Variants in DENND1A observed in about 807,000 individuals in gnomAD.
The protein encoded by DENND1A is DENN domain containing 1A.
In DENND1A, 51 loss-of-function variants were observed where a neutral mutation model predicts 113.7. The observed-to-expected ratio is 0.45, with a 90% confidence interval of 0.36 to 0.57. DENND1A has a LOEUF of 0.57. DENND1A is among the 20% of genes least tolerant of loss of function. The pLI is 0.00. For missense variants in DENND1A, 1,258 were observed against 1,395.9 expected, an observed-to-expected ratio of 0.90 and a Z score of 1.57; for synonymous variants, 565 against 570.8, an observed-to-expected ratio of 0.99 and a Z score of 0.14.
At chr9:123,887,885 A>G (rs1300413358) in intron 1 of DENND1A, among the ~76,000 whole-genome samples, 1 of 152,172 alleles carries the variant, frequency 6.6e-6, no homozygotes, top group African/African-American at 2.4e-5. Flanking sequence ...ACTTATACAA[A>G]GTTGGATTTG....
At chr9:123,696,421 A>C (rs899454638) in intron 5 of DENND1A, among the ~76,000 whole-genome samples, 1 of 152,218 alleles carries the variant, frequency 6.6e-6, no homozygotes, top group African/African-American at 2.4e-5. Context: ...TTATCGGAAG[A>C]GTTTTGTTAG....
At chr9:123,614,257 C>G (rs1393833043) in intron 10 of DENND1A, among the ~76,000 whole-genome samples, 1 of 152,204 alleles carries the variant, frequency 6.6e-6, no homozygotes. Context: ...TGAGGTCACA[C>G]AGCACATACT....
chr9:123,389,286 G>T (rs2042722990), intron 21 of DENND1A, among the ~76,000 whole-genome samples: 1 of 152,266 alleles, frequency 6.6e-6, no homozygotes, highest in African/African-American at 2.4e-5. Context: ...TCGAACTGCA[G>T]TGGAGGTTGA....
intron 5 of DENND1A, among the ~76,000 whole-genome samples, chr9:123,693,207 C>T (rs1394623122): frequency 6.6e-6 from 1 of 152,196 alleles, no homozygotes; most frequent in East Asian, 1.9e-4. Context: ...TTTGCTTGTG[C>T]ACCATCCAAC....
chr9:123,923,853 C>A (rs1564515408), intron 1 of DENND1A, among the ~76,000 whole-genome samples: 1 of 152,148 alleles, frequency 6.6e-6, no homozygotes, highest in South Asian at 2.1e-4. Context: ...AGTGGTACAG[C>A]TGCTTTAGGA....
At chr9:123,395,679 G>T (rs2043089953) in intron 21 of DENND1A, among the ~76,000 whole-genome samples, 1 of 152,162 alleles carries the variant, frequency 6.6e-6, no homozygotes. Flanking sequence ...GCATCTTGGA[G>T]ACTTGCTCCT....
At chr9:123,861,155 AT>A (rs1368529541) in intron 2 of DENND1A, among the ~76,000 whole-genome samples, 3 of 152,176 alleles carry the variant, frequency 2.0e-5, no homozygotes, top group Non-Finnish European at 1.5e-5. Context: ...CCCTTCCAGG[AT>A]AAAAATCCCA....
chr9:123,475,447 C>T lies in DENND1A; in HGVS notation c.994-17550G>A, dbSNP rs548994686. Among the ~76,000 whole-genome samples the T allele has an allele frequency of 8.7e-4, 132 of 152,238 alleles. 1 individual carries two copies. Among genetic ancestry groups the T allele is most frequent in the Non-Finnish European group, 1.7e-3 (113 of 68,032 alleles). ...CACTTCAGGAAAAATCATACCTTTT[C>T]GGCAGGTCTAGCCTGGGGTAGATGC... On this transcript the variant is annotated intron_variant, in intron 13 of 23. Transcript: ENST00000394215.
chr9:123,849,012 C>T (rs1399910655), intron 2 of DENND1A, among the ~76,000 whole-genome samples: 1 of 152,166 alleles, frequency 6.6e-6, no homozygotes, highest in Non-Finnish European at 1.5e-5. Context: ...ATCTCCATAA[C>T]ATAAAAAAGT....
chr9:123,613,000 A>G (rs1205582562), intron 10 of DENND1A, among the ~76,000 whole-genome samples: 1 of 152,142 alleles, frequency 6.6e-6, no homozygotes, highest in African/African-American at 2.4e-5. Context: ...CTGGTTCTGT[A>G]GCATACCCGC....
intron 13 of DENND1A, among the ~76,000 whole-genome samples, chr9:123,552,101 G>A (rs772174660): frequency 1.5e-4 from 23 of 148,668 alleles, no homozygotes; most frequent in Non-Finnish European, 3.3e-4. Flanking sequence ...AGGGAGCTCT[G>A]AGCCAGGGAA....
At chr9:123,899,824 A>C (rs1851321371) in intron 1 of DENND1A, among the ~76,000 whole-genome samples, 1 of 152,242 alleles carries the variant, frequency 6.6e-6, no homozygotes, top group African/African-American at 2.4e-5. Context: ...GAAAATATTA[A>C]AAAGTAGGCC....
chr9:123,501,490 CT>C (rs2052478388), intron 13 of DENND1A, among the ~76,000 whole-genome samples: 1 of 152,194 alleles, frequency 6.6e-6, no homozygotes, highest in Non-Finnish European at 1.5e-5. Flanking sequence ...AGTAGTGAAA[CT>C]GCAGGATCAT....
chr9:123,676,896 G>A, intron 5 of DENND1A, 107 bp from the exon 6 acceptor site: 4 of 1,014,490 alleles, frequency 3.9e-6, no homozygotes, highest in Non-Finnish European at 6.2e-6. Context: ...ACATCCTGAA[G>A]AGTCTTCCTG....
intron 13 of DENND1A, among the ~76,000 whole-genome samples, chr9:123,473,372 T>C (rs886571787): frequency 2.0e-5 from 3 of 152,070 alleles, no homozygotes; most frequent in African/African-American, 7.2e-5. Flanking sequence ...TTAGACCACA[T>C]GTGCAGAGCA....
chr9:123,644,565 C>T (rs1162835084), intron 9 of DENND1A, among the ~76,000 whole-genome samples: 3 of 152,162 alleles, frequency 2.0e-5, no homozygotes, highest in African/African-American at 7.2e-5. Flanking sequence ...CAACATGCCT[C>T]TGGCTCCTGT....
At chr9:123,447,999 G>C (rs1205027891) in intron 18 of DENND1A, among the ~76,000 whole-genome samples, 1 of 152,178 alleles carries the variant, frequency 6.6e-6, no homozygotes, top group East Asian at 1.9e-4. Context: ...TACGACCGAA[G>C]GGGGGAAAAG....
At position 123,662,550 on chromosome 9, in the gene DENND1A, G is replaced by A. The variant is rs12344713; in HGVS notation, c.507+4476C>T. 3.0e-3 allele frequency among the ~76,000 whole-genome samples: 450 copies of A among 152,254 alleles called. 4 individuals are homozygous for A. Among genetic ancestry groups the A allele is most frequent in the African/African-American group, 9.2e-3 (383 of 41,546 alleles). On this transcript the variant is annotated intron_variant, in intron 8 of 23. Coordinates refer to ENST00000394215, the MANE Select transcript of DENND1A (RefSeq NM_001352964.2). ...TGCACTCCAGCCTGAATGACAGAGC[G>A]AGACTGTCTCAAAAAAAGAAGAAGA...
chr9:123,446,450 T>C (rs2047313737), intron 18 of DENND1A, among the ~76,000 whole-genome samples: 2 of 152,238 alleles, frequency 1.3e-5, no homozygotes. Context: ...CTCCCTTCAA[T>C]GGGAACAGTT....
Sources: gnomAD v4.1 joint callset for allele counts (sites outside exome capture counted in the v4.1 genomes callset) on GRCh38, gnomAD v4.1.1 for gene constraint, MANE v1.5 for transcripts, NCBI Gene and HGNC (gene_info 2026-07-23, HGNC 2026-07-21) for gene names.